FAT3: variants seen among roughly 807,000 people sequenced by gnomAD.
The protein encoded by FAT3 is protocadherin Fat 3.
Under a neutral mutation model 310.2 loss-of-function variants are expected in FAT3, and 95 were observed. That is an observed-to-expected ratio of 0.31 (90% CI 0.26 to 0.36). FAT3 has a LOEUF of 0.36. Ranked by LOEUF, FAT3 falls within the 10% of genes least tolerant of loss-of-function variation. FAT3 has a pLI of 1.00. For synonymous variants in FAT3, 2,314 were observed against 2,192.9 expected (o/e 1.06, Z -1.54); for missense variants, 5,408 against 5,715.6 (o/e 0.95, Z 1.74).
intron 3 of FAT3, among the ~76,000 whole-genome samples, chr11:92,586,136 G>T (rs1455358306): frequency 6.6e-6 from 1 of 151,978 alleles, no homozygotes; most frequent in Non-Finnish European, 1.5e-5. Flanking sequence ...TGACTCTTGT[G>T]ATACTGGGTT....
intron 3 of FAT3, among the ~76,000 whole-genome samples, chr11:92,582,939 A>G (rs960858522): frequency 2.6e-5 from 4 of 152,104 alleles, no homozygotes; most frequent in African/African-American, 7.2e-5. Flanking sequence ...AGCAGTGAAG[A>G]TAAAATACAT....
chr11:92,293,720 C>T (rs1173967269), intron 1 of FAT3, among the ~76,000 whole-genome samples: 6 of 151,342 alleles, frequency 4.0e-5, no homozygotes, highest in African/African-American at 1.5e-4. Context: ...CTACAGGAGA[C>T]CCATGGTCAG....
At chr11:92,830,451 C>G (rs1387536950) in intron 13 of FAT3, among the ~76,000 whole-genome samples, 1 of 152,154 alleles carries the variant, frequency 6.6e-6, no homozygotes, top group Non-Finnish European at 1.5e-5. Context: ...CTCTCCCTTC[C>G]TTGATGGAGT....
At chr11:92,458,985 T>C (rs1476860095) in intron 2 of FAT3, among the ~76,000 whole-genome samples, 2 of 152,216 alleles carry the variant, frequency 1.3e-5, no homozygotes, top group Non-Finnish European at 2.9e-5. Flanking sequence ...CAACTACTTA[T>C]TATAATGTGT....
intron 1 of FAT3, among the ~76,000 whole-genome samples, chr11:92,299,706 C>T (rs566296151): frequency 1.8e-4 from 28 of 152,212 alleles, no homozygotes; most frequent in African/African-American, 6.3e-4. Flanking sequence ...TTAAAAAGCA[C>T]TGTAATTAAT....
intron 2 of FAT3, among the ~76,000 whole-genome samples, chr11:92,504,673 A>G (rs1953047141): frequency 6.6e-6 from 1 of 151,996 alleles, no homozygotes; most frequent in African/African-American, 2.4e-5. Flanking sequence ...TTCCCCAACA[A>G]GATTTACCTG....
At chr11:92,240,710 T>C (rs1278925485) in intron 1 of FAT3, among the ~76,000 whole-genome samples, 1 of 152,044 alleles carries the variant, frequency 6.6e-6, no homozygotes, top group Admixed American at 6.6e-5. Context: ...TATTGACATA[T>C]TGTTTTGTCT....
chr11:92,529,439 G>A (rs1423574972), intron 3 of FAT3, among the ~76,000 whole-genome samples: 1 of 152,164 alleles, frequency 6.6e-6, no homozygotes, highest in Non-Finnish European at 1.5e-5. Flanking sequence ...ATAAATGTCA[G>A]GAAAGTGGTA....
chr11:92,548,687 A>G (rs1954701234), intron 3 of FAT3, among the ~76,000 whole-genome samples: 1 of 152,222 alleles, frequency 6.6e-6, no homozygotes, highest in South Asian at 2.1e-4. Flanking sequence ...ATAGCAGTGT[A>G]ACTTTTATGA....
At chr11:92,527,123 C>T (rs1953892981) in intron 3 of FAT3, among the ~76,000 whole-genome samples, 1 of 152,098 alleles carries the variant, frequency 6.6e-6, no homozygotes, top group South Asian at 2.1e-4. Context: ...GGGAGGGCTT[C>T]ATGGAGGAAG....
rs553737304 is a variant in FAT3 at position 92,763,708 on chromosome 11, C to T, written c.3985-1171C>T. Among the ~76,000 whole-genome samples the T allele has an allele frequency of 4.6e-5, 7 of 152,258 alleles. No homozygotes were observed. In the South Asian group the frequency reaches 8.3e-4, roughly 18 times the overall value. ...AATGGTTCAGAGCTCCCCATGGGATCCCTCTGGTCAGCCAGGACCACATCC... is the reference window on the plus strand; with the variant it reads ...AATGGTTCAGAGCTCCCCATGGGATTCCTCTGGTCAGCCAGGACCACATCC... On this transcript the variant is annotated intron_variant, in intron 5 of 27. Transcript: ENST00000525166.
chr11:92,490,702 A>C (rs149717239), intron 2 of FAT3, among the ~76,000 whole-genome samples: 2 of 152,136 alleles, frequency 1.3e-5, no homozygotes, highest in African/African-American at 4.8e-5. Flanking sequence ...GAGTTTTAAA[A>C]AATTAGACAG....
intron 1 of FAT3, among the ~76,000 whole-genome samples, chr11:92,293,812 A>G (rs896891376): frequency 3.3e-5 from 5 of 151,844 alleles, no homozygotes; most frequent in Admixed American, 3.3e-4. Context: ...TTATTACTCA[A>G]AGGTACTCAG....
intron 4 of FAT3, among the ~76,000 whole-genome samples, chr11:92,711,265 T>C (rs1266747204): frequency 6.6e-6 from 1 of 152,200 alleles, no homozygotes; most frequent in Non-Finnish European, 1.5e-5. Flanking sequence ...TTATTTGTTA[T>C]GGACATTTTT....
chr11:92,356,858 T>C (rs1226510816), intron 2 of FAT3, among the ~76,000 whole-genome samples: 1 of 152,160 alleles, frequency 6.6e-6, no homozygotes, highest in Non-Finnish European at 1.5e-5. Context: ...AAAAATGATT[T>C]AAGAAACTAT....
chr11:92,242,382 A>G (rs1290447247), intron 1 of FAT3, among the ~76,000 whole-genome samples: 2 of 152,188 alleles, frequency 1.3e-5, no homozygotes, highest in Middle Eastern at 3.4e-3. Context: ...ACAGAAAACT[A>G]CTAGTGGTTA....
At chr11:92,754,424 G>A (rs184694924) in intron 4 of FAT3, among the ~76,000 whole-genome samples, 1,874 of 151,536 alleles carry the variant, frequency 0.012, 36 homozygotes, top group African/African-American at 0.043. Context: ...AGGAGATCGA[G>A]ACCATCCTGG....
chr11:92,734,202 G>A lies in FAT3; in HGVS notation c.3670-27654G>A, dbSNP rs1007169380. Reference sequence around the variant, plus strand: ...GTATGGAGGTCTACCTGCTTCTTCTGGAAAAAGGATTGTCTCTGGAAGGGA... The same window carrying A: ...GTATGGAGGTCTACCTGCTTCTTCTAGAAAAAGGATTGTCTCTGGAAGGGA... On this transcript the variant is annotated intron_variant, in intron 4 of 27. Transcript: ENST00000525166. Among the ~76,000 whole-genome samples, 4 of 152,226 alleles carry A rather than the reference G, an allele frequency of 2.6e-5. No individual in the cohort carries two copies. In the East Asian group the frequency reaches 5.8e-4, roughly 22 times the overall value.
At chr11:92,367,053 G>A (rs755532475) in intron 2 of FAT3, 17 of 492,234 alleles carry the variant, frequency 3.5e-5, no homozygotes, top group South Asian at 1.5e-4. Context: ...CTGTCCGGAC[G>A]GTCCAGATCA....
Sources: allele counts gnomAD v4.1 joint callset (sites outside exome capture counted in the v4.1 genomes callset), GRCh38; gene constraint gnomAD v4.1.1; transcripts MANE v1.5; gene names NCBI Gene and HGNC (gene_info 2026-07-23, HGNC 2026-07-21).